DENND6A: variants seen among roughly 807,000 people sequenced by gnomAD.
DENND6A encodes protein DENND6A.
A neutral mutation model predicts 95.5 loss-of-function variants in DENND6A; 43 were observed. The ratio of observed to expected loss-of-function variants is 0.45; its 90% CI spans 0.35 to 0.58. The LOEUF (loss-of-function observed/expected upper bound fraction) is 0.58. Ranked by LOEUF, DENND6A falls within the 20% of genes least tolerant of loss-of-function variation. The pLI, the probability that DENND6A is intolerant of heterozygous loss-of-function variation, is 0.00. For synonymous variants in DENND6A, 257 were observed against 260.4 expected, an observed-to-expected ratio of 0.99 and a Z score of 0.13; for missense variants, 574 against 736.0, an observed-to-expected ratio of 0.78 and a Z score of 2.55.
rs927043781 is a variant in DENND6A at position 57,654,913 on chromosome 3, C to G, written c.818+2767G>C. ...ACGTGAAATGTAAGCTCTACAGAAA[C>G]AAAAAGCACAGTCACAAATAAAGCA... On this transcript the variant is annotated intron_variant, in intron 9 of 19. Coordinates refer to ENST00000311128, the MANE Select transcript of DENND6A (RefSeq NM_152678.3). 4 of 479,572 alleles carry G rather than the reference C, an allele frequency of 8.3e-6. No homozygotes were observed. In the African/African-American group the frequency reaches 8.4e-5, roughly 10 times the overall value. The allele number at this position is 479,572 out of a possible 1,614,324, so 29.7% of individuals were successfully genotyped here.
intron 12 of DENND6A, among the ~76,000 whole-genome samples, chr3:57,636,691 CT>C (rs755416761): frequency 2.8e-4 from 43 of 152,154 alleles, no homozygotes; most frequent in South Asian, 8.3e-4. Flanking sequence ...AATCTCAGCA[CT>C]TTGGAAAGCT....
At chr3:57,638,832 G>A in intron 12 of DENND6A, among the ~76,000 whole-genome samples, 1 of 152,250 alleles carries the variant, frequency 6.6e-6, no homozygotes, top group South Asian at 2.1e-4. Context: ...GCCAGGTGTG[G>A]TGGCTCCCAC....
chr3:57,628,963 T>C, intron 18 of DENND6A, 78 bp from the exon 19 acceptor site: 1 of 1,296,898 alleles, frequency 7.7e-7, no homozygotes, highest in South Asian at 1.4e-5. Flanking sequence ...GTAAGGCTAC[T>C]GTGAAGGAAA....
At chr3:57,692,746 G>T (rs763233515) in intron 1 of DENND6A, 36 bp downstream of exon 1, 3 of 1,414,198 alleles carry the variant, frequency 2.1e-6, no homozygotes, top group Non-Finnish European at 2.8e-6. Flanking sequence ...CCGGCGCAGG[G>T]GAGGAGCGCC....
intron 12 of DENND6A, among the ~76,000 whole-genome samples, chr3:57,641,297 AT>A (rs1250428122): frequency 7.0e-6 from 1 of 143,822 alleles, no homozygotes; most frequent in Non-Finnish European, 1.5e-5. Context: ...AATATTATAT[AT>A]TTAAATATAT....
At chr3:57,656,607 AAACT>A (rs1455807888) in intron 9 of DENND6A, among the ~76,000 whole-genome samples, 1 of 151,154 alleles carries the variant, frequency 6.6e-6, no homozygotes, top group Non-Finnish European at 1.5e-5. Flanking sequence ...TTTTTTTTTT[AAACT>A]AACCAATCTT....
chr3:57,667,838 G>T (rs2071549165), intron 3 of DENND6A, among the ~76,000 whole-genome samples: 2 of 152,108 alleles, frequency 1.3e-5, no homozygotes, highest in Non-Finnish European at 2.9e-5. Flanking sequence ...GGCCAAGGCA[G>T]GTGGATCTCC....
intron 15 of DENND6A, among the ~76,000 whole-genome samples, chr3:57,631,388 GT>G (rs1023525203): frequency 1.3e-5 from 2 of 152,068 alleles, no homozygotes; most frequent in Non-Finnish European, 2.9e-5. Context: ...TAGAGATGGG[GT>G]TTTACCATGT....
intron 9 of DENND6A, among the ~76,000 whole-genome samples, chr3:57,655,750 A>C (rs2071312106): frequency 6.6e-6 from 1 of 152,216 alleles, no homozygotes; most frequent in Admixed American, 6.5e-5. Context: ...CCCCAAATGC[A>C]AAAAAGTCCA....
chr3:57,677,514 C>G (rs991689919), intron 1 of DENND6A, among the ~76,000 whole-genome samples: 1 of 150,770 alleles, frequency 6.6e-6, no homozygotes, highest in African/African-American at 2.4e-5. Context: ...TGGCTCACCC[C>G]AGCCTCGACT....
chr3:57,685,139 T>C (rs2077200940), intron 1 of DENND6A, among the ~76,000 whole-genome samples: 1 of 151,636 alleles, frequency 6.6e-6, no homozygotes, highest in African/African-American at 2.4e-5. Flanking sequence ...GCCAAGCTAG[T>C]CTCGAACTCC....
At chr3:57,638,537 A>C (rs1407171429) in intron 12 of DENND6A, among the ~76,000 whole-genome samples, 1 of 152,038 alleles carries the variant, frequency 6.6e-6, no homozygotes, top group Admixed American at 6.5e-5. Context: ...GCATGCCTGT[A>C]ATCTCAGCGA....
Position 57,692,836 on chromosome 3 carries a change from C to G in DENND6A, c.183G>C (p.Trp61Cys). ...AGCCCACCACACACACGCAGTGCAG[C>G]CAGGCGGAGAAGCTGTCCCAGCGCA... ...GLLRWDSFSA[W>C]LHCVCVVGFD... Residue 61 changes from tryptophan (W) to cysteine (C), a missense_variant, in exon 1 of 20, where the codon TGG (tryptophan) becomes TGC (cysteine). This residue lies in a region of DENND6A where 122 missense variants were observed against 105.1 expected (regional missense o/e 1.16). Coordinates refer to ENST00000311128, the MANE Select transcript of DENND6A (RefSeq NM_152678.3). The G allele has an allele frequency of 6.3e-7, 1 of 1,583,680 alleles. No homozygotes were observed. Among genetic ancestry groups the G allele is most frequent in the Non-Finnish European group, 8.6e-7 (1 of 1,168,570 alleles).
intron 1 of DENND6A, among the ~76,000 whole-genome samples, chr3:57,684,762 C>CAAAT (rs1410457701): frequency 6.6e-6 from 1 of 152,044 alleles, no homozygotes; most frequent in Non-Finnish European, 1.5e-5. Context: ...GACCCTGTCT[C>CAAAT]AAATAAATAA....
chr3:57,668,126 C>A (rs2071555265), intron 3 of DENND6A, among the ~76,000 whole-genome samples: 1 of 151,550 alleles, frequency 6.6e-6, no homozygotes, highest in Non-Finnish European at 1.5e-5. Context: ...TTTTATTTTT[C>A]TAACAATTCA....
At chr3:57,642,313 C>CAAAAAAAAAAAAAAAAAA (rs10681174) in intron 11 of DENND6A, among the ~76,000 whole-genome samples, 1 of 67,564 alleles carries the variant, frequency 1.5e-5, no homozygotes, top group Non-Finnish European at 2.7e-5. Flanking sequence ...GACTCTGTCT[C>CAAAAAAAAAAAAAAAAAA]AAAAAAAAAA....
At chr3:57,660,606 G>A (rs1441822642) in intron 7 of DENND6A, among the ~76,000 whole-genome samples, 154 bp downstream of exon 7, 1 of 152,078 alleles carries the variant, frequency 6.6e-6, no homozygotes, top group Non-Finnish European at 1.5e-5. Context: ...TACTTGTGGG[G>A]CTGAAGTGGG....
intron 14 of DENND6A, among the ~76,000 whole-genome samples, chr3:57,634,207 C>A (rs759885220): frequency 6.6e-6 from 1 of 151,682 alleles, no homozygotes; most frequent in Non-Finnish European, 1.5e-5. Flanking sequence ...CCGAGGTGGG[C>A]GTATCACTTA....
At chr3:57,688,292 G>A (rs570182079) in intron 1 of DENND6A, among the ~76,000 whole-genome samples, 14 of 152,028 alleles carry the variant, frequency 9.2e-5, no homozygotes, top group African/African-American at 3.4e-4. Flanking sequence ...CACCACACTC[G>A]GCTTATTAAG....
Sources: allele counts gnomAD v4.1 joint callset (sites outside exome capture counted in the v4.1 genomes callset), GRCh38; gene constraint gnomAD v4.1.1; regional missense constraint gnomAD v4.1.1; transcripts MANE v1.5; gene names NCBI Gene and HGNC (gene_info 2026-07-23, HGNC 2026-07-21).